ESRRG: variants seen among roughly 807,000 people sequenced by gnomAD.
ESRRG encodes the protein estrogen related receptor gamma.
In ESRRG, 13 loss-of-function variants were observed where a neutral mutation model predicts 44.0. That is an observed-to-expected ratio of 0.30 (90% confidence interval 0.19 to 0.47). ESRRG has a LOEUF of 0.47. ESRRG is among the 20% of genes least tolerant of loss of function. ESRRG has a pLI of 1.00. For missense variants in ESRRG, 395 were observed against 580.6 expected (o/e 0.68, Z 3.29); for synonymous variants, 215 against 214.6 (o/e 1.00, Z -0.02).
At chr1:216,884,703 C>T (rs147049086) in intron 2 of ESRRG, among the ~76,000 whole-genome samples, 30 of 152,308 alleles carry the variant, frequency 2.0e-4, no homozygotes, top group Admixed American at 5.9e-4. Flanking sequence ...ATGGACATTA[C>T]GTCTCCTTTA....
At chr1:216,955,991 C>T (rs1194426088) in intron 1 of ESRRG, among the ~76,000 whole-genome samples, 6 of 152,088 alleles carry the variant, frequency 3.9e-5, no homozygotes, top group Non-Finnish European at 7.4e-5. Context: ...ATATTTTCTC[C>T]CATTTACAGG....
chr1:216,679,526 T>C (rs999399610), intron 1 of ESRRG, among the ~76,000 whole-genome samples: 2 of 152,134 alleles, frequency 1.3e-5, no homozygotes, highest in African/African-American at 4.8e-5. Context: ...TAAACCATGC[T>C]TGCTCCCCTT....
At chr1:216,723,127 T>A in intron 1 of ESRRG, 117 bp downstream of exon 1, 1 of 808,862 alleles carries the variant, frequency 1.2e-6, no homozygotes, top group Non-Finnish European at 2.1e-6. Context: ...AAACAAGCAG[T>A]CGTGCACACA....
chr1:216,518,048 G>C (rs1050402725), intron 6 of ESRRG, among the ~76,000 whole-genome samples: 1 of 152,118 alleles, frequency 6.6e-6, no homozygotes, highest in African/African-American at 2.4e-5. Context: ...ACGCGTCCCT[G>C]GCTCTCATGG....
chr1:216,790,758 A>G (rs1056878628), intron 2 of ESRRG, among the ~76,000 whole-genome samples: 3 of 152,104 alleles, frequency 2.0e-5, no homozygotes, highest in African/African-American at 7.2e-5. Context: ...AAGAATAATG[A>G]ATCATGATCA....
intron 1 of ESRRG, among the ~76,000 whole-genome samples, chr1:216,719,263 G>A (rs1232368243): frequency 6.6e-6 from 1 of 151,940 alleles, no homozygotes; most frequent in Admixed American, 6.6e-5. Flanking sequence ...CTTCTTTGAT[G>A]AATAGCACCA....
intron 2 of ESRRG, among the ~76,000 whole-genome samples, chr1:216,886,128 T>C (rs2096514795): frequency 6.6e-6 from 1 of 152,172 alleles, no homozygotes; most frequent in African/African-American, 2.4e-5. Flanking sequence ...GACGTGTCCC[T>C]TAGGTAGGAA....
chr1:216,512,976 G>A (rs2043153779), intron 6 of ESRRG, among the ~76,000 whole-genome samples: 1 of 152,152 alleles, frequency 6.6e-6, no homozygotes, highest in Admixed American at 6.5e-5. Flanking sequence ...AAAAGGTCAT[G>A]GAAACGGATT....
At chr1:216,540,242 A>G (rs1192361821) in intron 5 of ESRRG, among the ~76,000 whole-genome samples, 1 of 152,046 alleles carries the variant, frequency 6.6e-6, no homozygotes. Flanking sequence ...TCAGAAATTC[A>G]TATATGATAA....
chr1:217,028,956 A>G (rs1394150015), intron 1 of ESRRG, among the ~76,000 whole-genome samples: 2 of 152,214 alleles, frequency 1.3e-5, no homozygotes, highest in Non-Finnish European at 2.9e-5. Flanking sequence ...AGCCATCTCT[A>G]TGCTACAACA....
In ESRRG at chr1:216,960,154, C is replaced by T. The variant is rs138626922; in HGVS notation, c.-105-20481G>A. 1.4e-3 allele frequency among the ~76,000 whole-genome samples: 208 copies of T among 152,192 alleles called. 1 individual carries two copies. The highest frequency in any genetic ancestry group is 2.4e-3 in the Non-Finnish European group (161 of 68,000). On this transcript the variant is annotated intron_variant, in intron 1 of 7. Coordinates refer to the ESRRG transcript ENST00000359162. ...TGTAATGTAAAAAAAAATCTAGTCC[C>T]TTCCAATGCTTTTATAACATTATCA...
chr1:216,831,297 TTATTGCAAA>T (rs755941227), intron 2 of ESRRG, among the ~76,000 whole-genome samples: 10 of 152,190 alleles, frequency 6.6e-5, no homozygotes, highest in Non-Finnish European at 1.5e-4. Flanking sequence ...CTTCATCACC[TTATTGCAAA>T]TTATGCAAAA....
At chr1:216,567,668 C>A (rs1029967696) in intron 4 of ESRRG, among the ~76,000 whole-genome samples, 9 of 152,008 alleles carry the variant, frequency 5.9e-5, no homozygotes, top group Non-Finnish European at 1.0e-4. Flanking sequence ...TTTTATGTAC[C>A]TCTGCAAATA....
intron 2 of ESRRG, among the ~76,000 whole-genome samples, chr1:216,732,033 T>C (rs1221122697): frequency 2.7e-5 from 4 of 150,912 alleles, no homozygotes; most frequent in Non-Finnish European, 5.9e-5. Flanking sequence ...ATGTTTAAAA[T>C]ATGGACAGAA....
chr1:216,931,835 C>CAAAAAAAAAAAAAAAAAAAAAA (rs56050369), intron 2 of ESRRG, among the ~76,000 whole-genome samples: 1 of 130,978 alleles, frequency 7.6e-6, no homozygotes, highest in African/African-American at 2.9e-5. Flanking sequence ...TGAGAAACCA[C>CAAAAAAAAAAAAAAAAAAAAAA]AAAAAAAAAA....
chr1:216,600,545 G>A (rs72737331), intron 3 of ESRRG, among the ~76,000 whole-genome samples: 22,327 of 152,090 alleles, frequency 0.15, 2,168 homozygotes, highest in Non-Finnish European at 0.21. Context: ...TTTAAGTTCA[G>A]GGGTACATGT....
chr1:216,933,022 AC>A (rs2063602118), intron 2 of ESRRG, among the ~76,000 whole-genome samples: 1 of 152,008 alleles, frequency 6.6e-6, no homozygotes, highest in Non-Finnish European at 1.5e-5. Context: ...CAGCTCTTCT[AC>A]TTGGCCAAAG....
In ESRRG at chr1:216,920,423, C is replaced by T. The variant is rs867585107; in HGVS notation, c.-14+19159G>A. On this transcript the variant is annotated intron_variant, in intron 2 of 7. Transcript: ENST00000359162. Reference sequence around the variant, plus strand: ...GTGTGTGTGTGTGTGTGTGTGTGCGCATATTTTTCTGTAGGGACAATTGTG... The same window carrying T: ...GTGTGTGTGTGTGTGTGTGTGTGCGTATATTTTTCTGTAGGGACAATTGTG... 3.4e-3 allele frequency among the ~76,000 whole-genome samples: 450 copies of T among 131,864 alleles called. 1 individual carries two copies. Among genetic ancestry groups the T allele is most frequent in the African/African-American group, 0.013 (435 of 34,420 alleles). The allele number at this position is 131,864 out of a possible 152,430, so 86.5% of individuals were successfully genotyped here.
At chr1:216,719,681 G>A (rs1559394989) in intron 1 of ESRRG, among the ~76,000 whole-genome samples, 1 of 151,648 alleles carries the variant, frequency 6.6e-6, no homozygotes, top group Non-Finnish European at 1.5e-5. Context: ...TCAATTTAGG[G>A]AAAAAAACAG....
Sources: gnomAD v4.1 joint callset for allele counts (sites outside exome capture counted in the v4.1 genomes callset) on GRCh38, gnomAD v4.1.1 for gene constraint, MANE v1.5 for transcripts, NCBI Gene and HGNC (gene_info 2026-07-23, HGNC 2026-07-21) for gene names.